The following CACNA1D variants were observed in gnomAD, a reference collection of about 807,000 sequenced individuals.
CACNA1D encodes calcium voltage-gated channel subunit alpha1 D.
A neutral mutation model predicts 257.1 loss-of-function variants in CACNA1D; 55 were observed. The observed-to-expected ratio is 0.21, with a 90% CI of 0.17 to 0.27. The LOEUF is 0.27. CACNA1D is among the 10% of genes least tolerant of loss of function. The probability of loss-of-function intolerance (pLI) is 1.00; values close to 1 mark genes in which losing one functional copy is unlikely to be tolerated. For missense variants in CACNA1D, 1,876 were observed against 2,784.0 expected, an observed-to-expected ratio of 0.67 and a Z score of 7.34; for synonymous variants, 980 against 1,014.9, an observed-to-expected ratio of 0.97 and a Z score of 0.65.
At chr3:53,602,707 T>G (rs1356158001) in intron 3 of CACNA1D, among the ~76,000 whole-genome samples, 1 of 152,264 alleles carries the variant, frequency 6.6e-6, no homozygotes, top group East Asian at 1.9e-4. Context: ...TGATTAGTGA[T>G]GCTGAGCATT....
intron 4 of CACNA1D, among the ~76,000 whole-genome samples, chr3:53,656,320 C>G (rs2094147255): frequency 6.6e-6 from 1 of 152,080 alleles, no homozygotes; most frequent in Non-Finnish European, 1.5e-5. Flanking sequence ...TGAAGAATGT[C>G]ATTGGTGGTT....
chr3:53,619,080 G>A (rs184101380), intron 3 of CACNA1D, among the ~76,000 whole-genome samples: 5 of 152,100 alleles, frequency 3.3e-5, no homozygotes, highest in African/African-American at 7.2e-5. Context: ...CAGAAACAAC[G>A]CTGTAAAGTA....
intron 3 of CACNA1D, among the ~76,000 whole-genome samples, chr3:53,622,721 C>G (rs1344487341): frequency 6.6e-6 from 1 of 151,978 alleles, no homozygotes; most frequent in Non-Finnish European, 1.5e-5. Flanking sequence ...TTACCTGTAA[C>G]AAATCTGCAC....
chr3:53,731,973 T>G, intron 17 of CACNA1D, 43 bp from the exon 18 acceptor site: 1 of 1,289,550 alleles, frequency 7.8e-7, no homozygotes, highest in Non-Finnish European at 1.1e-6. Flanking sequence ...GAAGTGATTT[T>G]AAGTCAGTCT....
intron 3 of CACNA1D, among the ~76,000 whole-genome samples, chr3:53,634,017 T>C (rs1298378977): frequency 6.6e-6 from 1 of 152,256 alleles, no homozygotes; most frequent in East Asian, 1.9e-4. Context: ...ATAGCATCTA[T>C]TCAGCTGGTT....
intron 3 of CACNA1D, among the ~76,000 whole-genome samples, chr3:53,540,751 A>AT (rs1468780062): frequency 6.6e-6 from 1 of 151,846 alleles, no homozygotes; most frequent in African/African-American, 2.4e-5. Context: ...ATATGTATAT[A>AT]TTTTTTTGAG....
In CACNA1D at chr3:53,789,692, G is replaced by A. The variant is rs1008860590; in HGVS notation, c.4923+2740G>A. Reference sequence around the variant, plus strand: ...TAATGGAAAGTGGAGCATGGCCGTCGCAGTGTGAGCGCAGAAGTGCGGACC... The same window carrying A: ...TAATGGAAAGTGGAGCATGGCCGTCACAGTGTGAGCGCAGAAGTGCGGACC... On this transcript the variant is annotated intron_variant, in intron 40 of 47. Transcript: ENST00000350061. This position sits in a 1 kb window ranked among gnomAD's most constrained non-coding sequence, Gnocchi z 4.2. Among the ~76,000 whole-genome samples the A allele has an allele frequency of 3.9e-5, 6 of 152,216 alleles. No individual in the cohort carries two copies. The highest frequency in any genetic ancestry group is 2.1e-4 in the South Asian group (1 of 4,832).
chr3:53,557,568 T>G (rs546393346), intron 3 of CACNA1D, among the ~76,000 whole-genome samples: 1 of 152,356 alleles, frequency 6.6e-6, no homozygotes, highest in Non-Finnish European at 1.5e-5. Flanking sequence ...GAAGTTTAGG[T>G]TGAAGTGCGT....
intron 3 of CACNA1D, among the ~76,000 whole-genome samples, chr3:53,618,843 T>C (rs2093664755): frequency 1.3e-5 from 2 of 152,174 alleles, no homozygotes; most frequent in Admixed American, 6.5e-5. Context: ...GAGATTGAAA[T>C]TCTGGCCCTG....
At chr3:53,696,450 C>A (rs2094574003) in intron 8 of CACNA1D, among the ~76,000 whole-genome samples, 1 of 152,212 alleles carries the variant, frequency 6.6e-6, no homozygotes, top group African/African-American at 2.4e-5. Flanking sequence ...CCCTGCCTCC[C>A]CATAGTCACT....
intron 14 of CACNA1D, among the ~76,000 whole-genome samples, chr3:53,726,261 G>A (rs1164737113): frequency 1.3e-5 from 2 of 152,200 alleles, no homozygotes; most frequent in Non-Finnish European, 2.9e-5. Flanking sequence ...GTTTAAATCT[G>A]TAGTTGAAGG....
intron 30 of CACNA1D, among the ~76,000 whole-genome samples, chr3:53,769,040 G>A (rs1195437573): frequency 1.3e-5 from 2 of 152,228 alleles, no homozygotes; most frequent in Non-Finnish European, 2.9e-5. Context: ...GCTGTTTAAT[G>A]TAAAGATGCC....
rs1373718803 is a variant in CACNA1D at position 53,731,138 on chromosome 3, GACA to G, written c.2403_2405del (p.Asn801del). ...AGAAGTCAACCAGATAGCCAACAGTGACAACAAGGTATGTATTCTAAGATGCTT... is the reference window on the plus strand; with the variant it reads ...AGAAGTCAACCAGATAGCCAACAGTGACAAGGTATGTATTCTAAGATGCTT... On this transcript the variant is annotated inframe_deletion, in exon 17 of 48. Coordinates refer to ENST00000350061, the MANE Select transcript of CACNA1D (RefSeq NM_001128840.3). The G allele has an allele frequency of 6.2e-7, 1 of 1,605,798 alleles. No homozygotes were observed. The highest frequency in any genetic ancestry group is 8.5e-7 in the Non-Finnish European group (1 of 1,172,418).
chr3:53,740,069 T>A (rs1173757700), intron 20 of CACNA1D, among the ~76,000 whole-genome samples: 3 of 152,208 alleles, frequency 2.0e-5, no homozygotes, highest in Admixed American at 6.5e-5. Context: ...GGTGAGTGGT[T>A]AAAGGAGGTC....
chr3:53,591,493 A>G (rs1049501675), intron 3 of CACNA1D, among the ~76,000 whole-genome samples: 3 of 152,096 alleles, frequency 2.0e-5, no homozygotes, highest in African/African-American at 7.2e-5. Context: ...AGCTCAGGCA[A>G]TTCGCCCACC....
intron 3 of CACNA1D, among the ~76,000 whole-genome samples, chr3:53,530,972 C>T (rs745770054): frequency 3.3e-5 from 5 of 151,822 alleles, no homozygotes; most frequent in South Asian, 4.2e-4. Context: ...CTCAGCCTCC[C>T]GAGTAGCTGG....
At chr3:53,674,416 T>A (rs2094354034) in intron 8 of CACNA1D, among the ~76,000 whole-genome samples, 1 of 152,250 alleles carries the variant, frequency 6.6e-6, no homozygotes, top group Admixed American at 6.5e-5. Context: ...ACAGAATCCT[T>A]CTCTTAATGC....
chr3:53,629,330 G>C (rs1357145750), intron 3 of CACNA1D, among the ~76,000 whole-genome samples: 1 of 152,250 alleles, frequency 6.6e-6, no homozygotes, highest in Non-Finnish European at 1.5e-5. Context: ...CACTAACCAG[G>C]ACAGAAGCCT....
intron 3 of CACNA1D, among the ~76,000 whole-genome samples, chr3:53,643,414 A>G (rs1269778389): frequency 6.6e-6 from 1 of 151,886 alleles, no homozygotes; most frequent in Non-Finnish European, 1.5e-5. Context: ...CCCCTGGGTC[A>G]CCTCCTGAAA....
Sources: gnomAD v4.1 joint callset for allele counts (sites outside exome capture counted in the v4.1 genomes callset) on GRCh38, gnomAD v4.1.1 for gene constraint, Gnocchi (gnomAD v3.1) non-coding constraint, MANE v1.5 for transcripts, NCBI Gene and HGNC (gene_info 2026-07-23, HGNC 2026-07-21) for gene names.